Variants in RBFOX1 observed in about 807,000 individuals in gnomAD.
RBFOX1 encodes RNA binding protein fox-1 homolog 1.
Under a neutral mutation model 57.7 loss-of-function variants are expected in RBFOX1, and 8 were observed. The ratio of observed to expected loss-of-function variants is 0.14; its 90% CI spans 0.08 to 0.25. RBFOX1 has a LOEUF of 0.25. RBFOX1 is among the 10% of genes least tolerant of loss of function. The pLI is 1.00. For missense variants in RBFOX1, 611 were observed against 548.5 expected (o/e 1.11, Z -1.14); for synonymous variants, 326 against 222.4 (o/e 1.47, Z -4.15).
At chr16:7,450,149 A>C (rs940377113) in intron 4 of RBFOX1, among the ~76,000 whole-genome samples, 1 of 152,148 alleles carries the variant, frequency 6.6e-6, no homozygotes, top group African/African-American at 2.4e-5. Flanking sequence ...TAATTCCAGC[A>C]CTTCGGGAGA....
chr16:7,112,068 T>G (rs200646102), intron 4 of RBFOX1, among the ~76,000 whole-genome samples: 14 of 152,214 alleles, frequency 9.2e-5, no homozygotes, highest in South Asian at 4.1e-4. Flanking sequence ...GTGAGAGAGA[T>G]AAATTAATTT....
intron 3 of RBFOX1, among the ~76,000 whole-genome samples, chr16:6,767,207 G>A (rs1418147147): frequency 6.6e-6 from 1 of 152,000 alleles, no homozygotes; most frequent in African/African-American, 2.4e-5. Context: ...TAGCCAGCTG[G>A]CATAACTCCA....
chr16:6,710,216 C>G (rs560310845), intron 3 of RBFOX1, among the ~76,000 whole-genome samples: 1 of 152,262 alleles, frequency 6.6e-6, no homozygotes, highest in African/African-American at 2.4e-5. Flanking sequence ...ATGTTTGTCA[C>G]TTATTTTCCT....
intron 2 of RBFOX1, among the ~76,000 whole-genome samples, chr16:5,583,463 C>G (rs373172653): frequency 6.6e-5 from 10 of 152,180 alleles, no homozygotes; most frequent in Admixed American, 2.6e-4. Context: ...TAACCAAGCT[C>G]GCTTCTGATT....
chr16:6,375,380 T>C (rs942690357), intron 2 of RBFOX1, among the ~76,000 whole-genome samples: 1 of 151,050 alleles, frequency 6.6e-6, no homozygotes, highest in African/African-American at 2.4e-5. Context: ...ATGAAAGTCA[T>C]GCACATGTAG....
At chr16:6,484,396 A>C (rs1430112053) in intron 2 of RBFOX1, among the ~76,000 whole-genome samples, 2 of 152,162 alleles carry the variant, frequency 1.3e-5, no homozygotes, top group Non-Finnish European at 2.9e-5. Flanking sequence ...TTCCCATGGA[A>C]GAGAGATTAA....
At chr16:6,531,005 C>T (rs1213952221) in intron 2 of RBFOX1, among the ~76,000 whole-genome samples, 2 of 152,148 alleles carry the variant, frequency 1.3e-5, no homozygotes, top group Non-Finnish European at 2.9e-5. Context: ...CCATGCATCG[C>T]ACAGGCCATT....
chr16:6,556,367 C>T (rs937361170), intron 2 of RBFOX1, among the ~76,000 whole-genome samples: 8 of 152,100 alleles, frequency 5.3e-5, no homozygotes, highest in African/African-American at 9.7e-5. Context: ...CAAACTGTGC[C>T]GGCTCTCCTT....
At chr16:6,533,199 G>C (rs1220812870) in intron 2 of RBFOX1, among the ~76,000 whole-genome samples, 2 of 152,218 alleles carry the variant, frequency 1.3e-5, no homozygotes, top group African/African-American at 4.8e-5. Context: ...CTGAGTTGTG[G>C]ACAGATCAAC....
chr16:6,725,347 G>C (rs545802613), intron 3 of RBFOX1, among the ~76,000 whole-genome samples: 2 of 151,728 alleles, frequency 1.3e-5, no homozygotes, highest in Admixed American at 1.3e-4. Context: ...CACCGCGCCC[G>C]GCCGGTTTTG....
intron 1 of RBFOX1, among the ~76,000 whole-genome samples, chr16:5,327,956 C>T (rs2064632072): frequency 2.0e-5 from 3 of 152,126 alleles, no homozygotes; most frequent in South Asian, 2.1e-4. Flanking sequence ...ATTATTTCTA[C>T]GAGTGAGGAG....
chr16:7,242,425 C>G (rs11643034), intron 4 of RBFOX1, among the ~76,000 whole-genome samples: 32,073 of 152,092 alleles, frequency 0.21, 4,026 homozygotes, highest in African/African-American at 0.36. Context: ...AGCTTTAGTT[C>G]TTTTATGTTT....
intron 4 of RBFOX1, among the ~76,000 whole-genome samples, chr16:7,316,241 A>T (rs1457170270): frequency 1.3e-5 from 2 of 152,234 alleles, no homozygotes; most frequent in Non-Finnish European, 2.9e-5. Context: ...ACTATATTAC[A>T]TAAGACAACT....
intron 4 of RBFOX1, among the ~76,000 whole-genome samples, chr16:7,220,954 A>G (rs951689088): frequency 1.3e-5 from 2 of 152,104 alleles, no homozygotes; most frequent in African/African-American, 4.8e-5. Flanking sequence ...TCAAAGACTG[A>G]TGAGAAAGGG....
At chr16:7,189,103 A>T (rs773630559) in intron 4 of RBFOX1, among the ~76,000 whole-genome samples, 1 of 152,066 alleles carries the variant, frequency 6.6e-6, no homozygotes, top group Non-Finnish European at 1.5e-5. Context: ...ACCTACACTG[A>T]TTCAGGTAAT....
At chr16:7,213,285 G>A (rs145297058) in intron 4 of RBFOX1, among the ~76,000 whole-genome samples, 2 of 152,094 alleles carry the variant, frequency 1.3e-5, no homozygotes, top group African/African-American at 4.8e-5. Flanking sequence ...CAACACATTC[G>A]CTGAGGTTGC....
chr16:5,240,587 G>C (rs1422822610), intron 1 of RBFOX1, among the ~76,000 whole-genome samples: 1 of 152,210 alleles, frequency 6.6e-6, no homozygotes, highest in Admixed American at 6.5e-5. Context: ...CACCTGCCCC[G>C]CATCTTCCTG....
At chr16:6,344,535 C>A (rs1423099544) in intron 2 of RBFOX1, among the ~76,000 whole-genome samples, 1 of 147,384 alleles carries the variant, frequency 6.8e-6, no homozygotes, top group Non-Finnish European at 1.5e-5. Flanking sequence ...GTAGCTGGGA[C>A]TATAGGTACC....
At chr16:7,213,954 C>G (rs926945888) in intron 4 of RBFOX1, among the ~76,000 whole-genome samples, 4 of 152,036 alleles carry the variant, frequency 2.6e-5, no homozygotes, top group African/African-American at 9.7e-5. Flanking sequence ...CTAAAATATT[C>G]CATTTGCACC....
Sources: gnomAD v4.1 joint callset for allele counts (sites outside exome capture counted in the v4.1 genomes callset) on GRCh38, gnomAD v4.1.1 for gene constraint, MANE v1.5 for transcripts, NCBI Gene and HGNC (gene_info 2026-07-23, HGNC 2026-07-21) for gene names.